PARVB: variants seen among roughly 807,000 people sequenced by gnomAD.
The protein encoded by PARVB is beta-parvin.
PARVB carries 46 observed loss-of-function variants against 47.0 expected under a neutral mutation model. That is an observed-to-expected ratio of 0.98 (90% CI 0.77 to 1.25). PARVB has a LOEUF of 1.25. PARVB is among the 50% of genes most tolerant of loss of function. The pLI is 0.00. For synonymous variants in PARVB, 196 were observed against 196.3 expected, an observed-to-expected ratio of 1.00 and a Z score of 0.01; for missense variants, 473 against 471.6, an observed-to-expected ratio of 1.00 and a Z score of -0.03.
In PARVB at chr22:44,103,774, AT is replaced by A. The variant is rs1875351126; in HGVS notation, c.273+3652del. On this transcript the variant is annotated intron_variant, in intron 3 of 12. Coordinates refer to ENST00000338758, the MANE Select transcript of PARVB (RefSeq NM_013327.5). The surrounding 1 kb of genome is among the most constrained non-coding windows in gnomAD (Gnocchi z 4.6). ...AAGGTGGTAGCTTCTGGCTCTGAAGATGGAAGAAGGGGCCATGCACTAATGG... is the reference window on the plus strand; with the variant it reads ...AAGGTGGTAGCTTCTGGCTCTGAAGAGGAAGAAGGGGCCATGCACTAATGG... 6.6e-6 allele frequency: 1 copy of A among 152,192 alleles called. No homozygotes were observed. Among genetic ancestry groups the A allele is most frequent in the Admixed American group, 6.5e-5 (1 of 15,278 alleles). The allele number at this position is 152,192 out of a possible 1,614,324, so 9.4% of individuals were successfully genotyped here. A position where few individuals can be genotyped will look rare whatever the true frequency, so the allele number is the denominator to read the frequency against.
intron 4 of PARVB, chr22:44,119,929 A>C: frequency 2.1e-6 from 1 of 484,706 alleles, no homozygotes; most frequent in Non-Finnish European, 4.2e-6. Context: ...AAAGAACGGA[A>C]GAGCAGAGTT....
chr22:44,122,289 G>C (rs1230655849), intron 4 of PARVB, among the ~76,000 whole-genome samples: 1 of 152,140 alleles, frequency 6.6e-6, no homozygotes, highest in African/African-American at 2.4e-5. Context: ...CGAAGAGTTT[G>C]AGACCAGCCT....
At chr22:44,018,173 G>A (rs890425584) in intron 2 of PARVB, among the ~76,000 whole-genome samples, 15 of 151,940 alleles carry the variant, frequency 9.9e-5, no homozygotes, top group Non-Finnish European at 1.8e-4. Context: ...AGGCTGAGGC[G>A]GGTGGATCAC....
exon 1 of PARVB, chr22:43,999,349 T>C (rs376482146): frequency 1.5e-5 from 24 of 1,607,798 alleles, no homozygotes; most frequent in African/African-American, 8.0e-5. Context: ...AAATGCACCA[T>C]GTGTTTAAAG....
At chr22:44,091,834 C>G (rs1198883849) in intron 1 of PARVB, among the ~76,000 whole-genome samples, 1 of 152,190 alleles carries the variant, frequency 6.6e-6, no homozygotes, top group Non-Finnish European at 1.5e-5. Context: ...CTGCATCAGG[C>G]AGTCCTCTAG....
At chr22:44,099,171 G>A (rs953323684) in intron 2 of PARVB, among the ~76,000 whole-genome samples, 10 of 152,192 alleles carry the variant, frequency 6.6e-5, no homozygotes, top group Non-Finnish European at 8.8e-5. Flanking sequence ...AGAGCCTCCC[G>A]GTGAGTGGAG....
At chr22:44,003,206 T>TA (rs2050430283) in intron 2 of PARVB, among the ~76,000 whole-genome samples, 1 of 152,220 alleles carries the variant, frequency 6.6e-6, no homozygotes, top group Admixed American at 6.5e-5. Flanking sequence ...ATCCATCCGT[T>TA]ACTGTGAAAT....
chr22:44,092,347 G>A (rs2052189714), intron 1 of PARVB, among the ~76,000 whole-genome samples: 1 of 152,170 alleles, frequency 6.6e-6, no homozygotes, highest in Non-Finnish European at 1.5e-5. Flanking sequence ...TTGACCTCGT[G>A]ATCCACCTGC....
chr22:44,134,149 G>C (rs905048360), intron 6 of PARVB, among the ~76,000 whole-genome samples: 1 of 152,102 alleles, frequency 6.6e-6, no homozygotes. Flanking sequence ...TGTGTTTTCC[G>C]AACCCATTCT....
chr22:44,021,433 AAG>A (rs1005008273), upstream of PARVB, among the ~76,000 whole-genome samples: 3 of 152,180 alleles, frequency 2.0e-5, no homozygotes, highest in Non-Finnish European at 4.4e-5. Flanking sequence ...GAAGGTCAGA[AAG>A]AGAGAGAAAC....
chr22:44,122,556 C>G (rs13053549), intron 4 of PARVB, among the ~76,000 whole-genome samples: 2,805 of 45,252 alleles, frequency 0.062, 217 homozygotes, highest in African/African-American at 0.13. Context: ...GAGAGAGACA[C>G]AGAGACAGAG....
rs1569169711 is a variant in PARVB at position 44,168,781 on chromosome 22, C to T, written c.*103C>T. On this transcript the variant is annotated 3_prime_UTR_variant, in exon 13 of 13. Coordinates refer to ENST00000338758, the MANE Select transcript of PARVB (RefSeq NM_013327.5). ...AGCCAGGCGCCATGGGCTTCTGGTC[C>T]AAGCTGTGTTGACTGTCATCCCCAC... 1 of 774,038 alleles carries T rather than the reference C, an allele frequency of 1.3e-6. No homozygotes were observed. The highest frequency in any genetic ancestry group is 1.5e-5 in the South Asian group (1 of 66,338). The allele number at this position is 774,038 out of a possible 1,614,324, so 47.9% of individuals were successfully genotyped here.
chr22:44,120,834 C>T (rs548934386), intron 4 of PARVB, among the ~76,000 whole-genome samples: 7 of 147,966 alleles, frequency 4.7e-5, no homozygotes, highest in African/African-American at 1.3e-4. Context: ...TACCACCACA[C>T]TTGGCTGTTT....
intron 2 of PARVB, among the ~76,000 whole-genome samples, chr22:44,008,618 G>GCAA (rs1359304053): frequency 6.6e-6 from 1 of 152,168 alleles, no homozygotes; most frequent in Non-Finnish European, 1.5e-5. Context: ...ATAGATGCTT[G>GCAA]GGTCTGCCAC....
In PARVB at chr22:44,055,227, G is replaced by A. The variant is rs191755479; in HGVS notation, c.112+30776G>A. Among the ~76,000 whole-genome samples, 120 of 152,174 alleles carry A rather than the reference G, an allele frequency of 7.9e-4. 2 individuals are homozygous for A. Among genetic ancestry groups the A allele is most frequent in the Admixed American group, 7.6e-3 (116 of 15,280 alleles). Reference sequence around the variant, plus strand: ...GAGCCATATGCCCCGTACCTCCTGTGCGCCTCCCTCCCCACCAGAGGTGAC... The same window carrying A: ...GAGCCATATGCCCCGTACCTCCTGTACGCCTCCCTCCCCACCAGAGGTGAC... On this transcript the variant is annotated intron_variant, in intron 1 of 12. Coordinates refer to ENST00000338758, the MANE Select transcript of PARVB (RefSeq NM_013327.5).
intron 10 of PARVB, among the ~76,000 whole-genome samples, chr22:44,154,156 A>G (rs2053868562): frequency 1.3e-5 from 2 of 152,194 alleles, no homozygotes; most frequent in South Asian, 4.1e-4. Context: ...TCTTACATTG[A>G]GACTCTAAAA....
chr22:44,024,551 C>A, intron 1 of PARVB, 100 bp downstream of exon 1: 1 of 451,076 alleles, frequency 2.2e-6, no homozygotes, highest in Non-Finnish European at 3.1e-6. Context: ...CTCCCCCACG[C>A]ACCCCGCCCG....
chr22:44,081,851 C>G (rs544047462), intron 1 of PARVB, among the ~76,000 whole-genome samples: 3 of 152,126 alleles, frequency 2.0e-5, no homozygotes, highest in African/African-American at 7.2e-5. Context: ...TCTGCTGCCT[C>G]GAGGCTCTTT....
At chr22:44,024,200 C>T, upstream of PARVB, 1 of 291,798 alleles carries the variant, frequency 3.4e-6, no homozygotes. Flanking sequence ...GCATCCGGGA[C>T]GCCGGGGCCG....
Sources: allele counts gnomAD v4.1 joint callset (sites outside exome capture counted in the v4.1 genomes callset), GRCh38; gene constraint gnomAD v4.1.1; non-coding constraint Gnocchi (gnomAD v3.1); transcripts MANE v1.5; gene names NCBI Gene and HGNC (gene_info 2026-07-23, HGNC 2026-07-21).